PDE1C: variants seen among roughly 807,000 people sequenced by gnomAD.
PDE1C encodes the protein phosphodiesterase 1C.
In PDE1C, 62 loss-of-function variants were observed where a neutral mutation model predicts 93.1. The ratio of observed to expected loss-of-function variants is 0.67; its 90% CI spans 0.54 to 0.82. The LOEUF (loss-of-function observed/expected upper bound fraction) is 0.82, where lower values mean the gene tolerates loss of function less well. Among genes scored for constraint, PDE1C ranks in the 40% least tolerant of loss-of-function variants. The pLI, the probability that PDE1C is intolerant of heterozygous loss-of-function variation, is 0.00. For missense variants in PDE1C, 742 were observed against 884.6 expected, an observed-to-expected ratio of 0.84 and a Z score of 2.04; for synonymous variants, 325 against 310.1, an observed-to-expected ratio of 1.05 and a Z score of -0.50.
At chr7:31,758,039 T>C (rs931373408) in intron 17 of PDE1C, among the ~76,000 whole-genome samples, 2 of 152,118 alleles carry the variant, frequency 1.3e-5, no homozygotes, top group African/African-American at 2.4e-5. Flanking sequence ...GAGCAAACTA[T>C]TGCAAGGACA....
the PDE1C span, among the ~76,000 whole-genome samples, chr7:31,741,818 T>G: frequency 6.6e-6 from 1 of 152,212 alleles, no homozygotes; most frequent in Non-Finnish European, 1.5e-5. Context: ...GGAAAATGGC[T>G]GTGGCTGCAG....
At chr7:32,054,039 A>T (rs30586) in intron 1 of PDE1C, among the ~76,000 whole-genome samples, 1 of 151,654 alleles carries the variant, frequency 6.6e-6, no homozygotes, top group Admixed American at 6.6e-5. Context: ...AGGGACTATA[A>T]AGTGAGGTAG....
intron 1 of PDE1C, among the ~76,000 whole-genome samples, chr7:32,356,463 A>G (rs1001961659): frequency 6.6e-6 from 1 of 152,240 alleles, no homozygotes. Context: ...TGAAGACATG[A>G]GCCCTGAGTG....
chr7:32,145,821 C>A (rs1049798206), intron 3 of PDE1C, among the ~76,000 whole-genome samples: 1 of 152,042 alleles, frequency 6.6e-6, no homozygotes, highest in African/African-American at 2.4e-5. Flanking sequence ...ATTCATAAAG[C>A]ACACAAAGTG....
chr7:31,799,834 T>C (rs1299490885), intron 16 of PDE1C, among the ~76,000 whole-genome samples: 2 of 151,714 alleles, frequency 1.3e-5, no homozygotes, highest in Non-Finnish European at 3.0e-5. Flanking sequence ...TTGAGAAATA[T>C]TCAGAAAGAA....
At chr7:32,160,194 G>C (rs554212441) in intron 3 of PDE1C, among the ~76,000 whole-genome samples, 32 of 152,080 alleles carry the variant, frequency 2.1e-4, no homozygotes, top group African/African-American at 7.0e-4. Context: ...GTGCCAGAGG[G>C]GACTTCTGAA....
intron 1 of PDE1C, among the ~76,000 whole-genome samples, chr7:32,251,277 C>G (rs1464465371): frequency 6.6e-6 from 1 of 152,162 alleles, no homozygotes; most frequent in East Asian, 1.9e-4. Flanking sequence ...GGACTAGGCC[C>G]GTCATGTCCT....
At chr7:32,309,534 G>C (rs969815676) in intron 1 of PDE1C, among the ~76,000 whole-genome samples, 1 of 152,230 alleles carries the variant, frequency 6.6e-6, no homozygotes, top group Non-Finnish European at 1.5e-5. Flanking sequence ...AAGCCCATCA[G>C]ACTAACAGTG....
chr7:32,291,368 A>C (rs62457503), intron 1 of PDE1C, among the ~76,000 whole-genome samples: 11,776 of 152,324 alleles, frequency 0.077, 602 homozygotes, highest in Non-Finnish European at 0.1. Context: ...TCTAACAAAT[A>C]TAGCAGCATG....
chr7:31,961,303 CAT>C (rs916220906), intron 2 of PDE1C, among the ~76,000 whole-genome samples: 3 of 151,576 alleles, frequency 2.0e-5, no homozygotes, highest in East Asian at 1.9e-4. Context: ...AGTATGCACA[CAT>C]ATATTTACAC....
chr7:32,264,411 A>G (rs1323233440), intron 1 of PDE1C, among the ~76,000 whole-genome samples: 1 of 152,160 alleles, frequency 6.6e-6, no homozygotes, highest in East Asian at 1.9e-4. Context: ...GGATTAGTTA[A>G]TATGCTCAGA....
chr7:32,160,471 T>G (rs1209245969), intron 3 of PDE1C, among the ~76,000 whole-genome samples: 1 of 152,222 alleles, frequency 6.6e-6, no homozygotes, highest in Non-Finnish European at 1.5e-5. Flanking sequence ...TTCTGGATAG[T>G]AACTCTTAAT....
chr7:31,836,768 A>G (rs1281009896), intron 11 of PDE1C, among the ~76,000 whole-genome samples: 4 of 152,158 alleles, frequency 2.6e-5, no homozygotes, highest in Non-Finnish European at 5.9e-5. Flanking sequence ...TGCGTCTTGG[A>G]CTTGTCCATT....
the PDE1C span, among the ~76,000 whole-genome samples, chr7:31,723,618 C>T: frequency 6.6e-6 from 1 of 152,152 alleles, no homozygotes; most frequent in Non-Finnish European, 1.5e-5. Flanking sequence ...CAGTCAGGTC[C>T]TTCCACACCT....
intron 1 of PDE1C, among the ~76,000 whole-genome samples, chr7:32,314,109 G>A (rs954805832): frequency 6.6e-6 from 1 of 151,694 alleles, no homozygotes; most frequent in Non-Finnish European, 1.5e-5. Flanking sequence ...CCCCAGAAAG[G>A]CTCTTTTTAT....
the PDE1C span, among the ~76,000 whole-genome samples, chr7:31,715,863 C>A: frequency 2.6e-5 from 4 of 152,182 alleles, no homozygotes; most frequent in Non-Finnish European, 2.9e-5. Flanking sequence ...TTCCATGAGA[C>A]TTCTAAGAGA....
At chr7:32,112,842 G>GTA (rs1162721455) in intron 3 of PDE1C, among the ~76,000 whole-genome samples, 2 of 50,668 alleles carry the variant, frequency 3.9e-5, no homozygotes, top group Non-Finnish European at 8.1e-5. Flanking sequence ...GTGTGTGTGT[G>GTA]TGTGTATATA....
At chr7:32,127,245 T>C (rs1799641509) in intron 3 of PDE1C, among the ~76,000 whole-genome samples, 1 of 152,206 alleles carries the variant, frequency 6.6e-6, no homozygotes, top group South Asian at 2.1e-4. Flanking sequence ...TTGGGACTTG[T>C]CAGCCTCCAT....
Position 32,030,213 on chromosome 7 carries a change from T to C in PDE1C, c.128+21341A>G, listed in dbSNP as rs539699579. Among the ~76,000 whole-genome samples, 4 of 152,070 alleles carry C rather than the reference T, an allele frequency of 2.6e-5. No individual in the cohort carries two copies. In the South Asian group the frequency reaches 8.3e-4, roughly 32 times the overall value. Reference sequence around the variant, plus strand: ...AGGAATCAAAGAAGACTGGACACTTTGGTCTTCTCAGTAGTATTTTTTTAA... The same window carrying C: ...AGGAATCAAAGAAGACTGGACACTTCGGTCTTCTCAGTAGTATTTTTTTAA... On this transcript the variant is annotated intron_variant, in intron 2 of 17. Transcript: ENST00000396191.
Sources: gnomAD v4.1 joint callset for allele counts (sites outside exome capture counted in the v4.1 genomes callset) on GRCh38, gnomAD v4.1.1 for gene constraint, MANE v1.5 for transcripts, NCBI Gene and HGNC (gene_info 2026-07-23, HGNC 2026-07-21) for gene names.